Variants in RGS17 observed in about 807,000 individuals in gnomAD.
The protein encoded by RGS17 is regulator of G protein signaling 17.
RGS17 carries 12 observed loss-of-function variants against 25.5 expected under a neutral mutation model. The ratio of observed to expected loss-of-function variants is 0.47; its 90% CI spans 0.30 to 0.76. The LOEUF (loss-of-function observed/expected upper bound fraction) is 0.76, where lower values mean the gene tolerates loss of function less well. Among genes scored for constraint, RGS17 ranks in the 30% least tolerant of loss-of-function variants. The pLI is 0.07. For synonymous variants in RGS17, 71 were observed against 76.9 expected (o/e 0.92, Z 0.40); for missense variants, 196 against 242.2 (o/e 0.81, Z 1.27).
chr6:153,029,181 G>T (rs901243574), intron 2 of RGS17, among the ~76,000 whole-genome samples: 4 of 152,198 alleles, frequency 2.6e-5, no homozygotes, highest in Admixed American at 2.6e-4. Flanking sequence ...TATTCACTGT[G>T]CAGCTCTTGA....
intron 1 of RGS17, among the ~76,000 whole-genome samples, chr6:153,090,585 C>T (rs533333274): frequency 2.1e-4 from 32 of 152,016 alleles, no homozygotes; most frequent in Admixed American, 1.2e-3. Context: ...TATGATTGAG[C>T]CACTACACTC....
chr6:153,026,378 G>A, intron 3 of RGS17, 76 bp downstream of exon 3: 2 of 986,668 alleles, frequency 2.0e-6, no homozygotes, highest in Non-Finnish European at 3.2e-6. Context: ...GAAGCAAGGG[G>A]TAATACTGAG....
rs1007005817 is a variant in RGS17, at chr6:153,060,943, C to A, written c.-25-16900G>T. Among the ~76,000 whole-genome samples, 30 of 152,132 alleles carry A rather than the reference C, an allele frequency of 2.0e-4. 1 individual carries two copies. Among genetic ancestry groups the A allele is most frequent in the Admixed American group, 2.0e-3 (30 of 15,272 alleles). ...AAGCATCATGAATAACCTTGAGAACCAGTGAGTTCAGTAAATGTATGTTAA... is the reference window on the plus strand; with the variant it reads ...AAGCATCATGAATAACCTTGAGAACAAGTGAGTTCAGTAAATGTATGTTAA... On this transcript the variant is annotated intron_variant, in intron 1 of 4. Transcript: ENST00000206262.
chr6:153,043,827 G>T, intron 2 of RGS17, 73 bp downstream of exon 2: 1 of 850,062 alleles, frequency 1.2e-6, no homozygotes, highest in South Asian at 1.6e-5. Flanking sequence ...CTACAGTTCT[G>T]AGATTTGGCA....
intron 2 of RGS17, among the ~76,000 whole-genome samples, chr6:153,037,676 G>A (rs995792595): frequency 2.6e-5 from 4 of 151,140 alleles, no homozygotes; most frequent in Non-Finnish European, 4.4e-5. Flanking sequence ...CACCCACCTC[G>A]GCCTCCCAAA....
rs17083443 is a variant in RGS17 at position 153,034,794 on chromosome 6, A to G, written c.120-8251T>C. Among the ~76,000 whole-genome samples, 851 of 152,296 alleles carry G rather than the reference A, an allele frequency of 5.6e-3. 5 individuals are homozygous for G. The highest frequency in any genetic ancestry group is 8.5e-3 in the Non-Finnish European group (576 of 68,034). On this transcript the variant is annotated intron_variant, in intron 2 of 4. Coordinates refer to ENST00000206262, the MANE Select transcript of RGS17 (RefSeq NM_012419.5). ...GACTACCTCTAGAACGAAACACATG[A>G]AGTTACTGTTCCACTATTACGATGG...
rs1779114155 is a variant in RGS17, at chr6:153,009,995, CTTG to C, written c.*1576_*1578del. On this transcript the variant is annotated 3_prime_UTR_variant, in exon 5 of 5. Coordinates refer to ENST00000206262, the MANE Select transcript of RGS17 (RefSeq NM_012419.5). ...ATAAATTTAAAAAGAAACCCCCAAA[CTTG>C]TTTTTTTAAAAAATATGTTTAATAA... 6.6e-6 allele frequency: 1 copy of C among 151,596 alleles called. No homozygotes were observed. The allele number at this position is 151,596 out of a possible 1,614,324, so 9.4% of individuals were successfully genotyped here.
At chr6:153,093,333 A>G (rs1226659137) in intron 1 of RGS17, among the ~76,000 whole-genome samples, 8 of 152,148 alleles carry the variant, frequency 5.3e-5, no homozygotes, top group Admixed American at 2.0e-4. Context: ...TTTTCTCTGT[A>G]TCTCTGAAAC....
intron 1 of RGS17, among the ~76,000 whole-genome samples, chr6:153,055,903 C>T (rs929661565): frequency 6.6e-6 from 1 of 152,054 alleles, no homozygotes; most frequent in African/African-American, 2.4e-5. Flanking sequence ...TGATCAAAAC[C>T]ATCTCACAGG....
chr6:153,019,004 T>C (rs1465449608), intron 4 of RGS17, among the ~76,000 whole-genome samples: 1 of 152,226 alleles, frequency 6.6e-6, no homozygotes, highest in African/African-American at 2.4e-5. Context: ...GGTGTTCAAA[T>C]AGGTCTATTA....
intron 2 of RGS17, among the ~76,000 whole-genome samples, chr6:153,027,028 A>G (rs1309367731): frequency 2.0e-5 from 3 of 152,178 alleles, no homozygotes; most frequent in Non-Finnish European, 4.4e-5. Context: ...CTAAATTTAC[A>G]TTGTTACCGA....
At chr6:153,047,696 C>T (rs1776403275) in intron 1 of RGS17, among the ~76,000 whole-genome samples, 1 of 152,178 alleles carries the variant, frequency 6.6e-6, no homozygotes. Context: ...TCTTCTACAA[C>T]CAGGAAGCAG....
At chr6:153,071,614 C>T (rs1189463936) in intron 1 of RGS17, among the ~76,000 whole-genome samples, 1 of 152,104 alleles carries the variant, frequency 6.6e-6, no homozygotes, top group Non-Finnish European at 1.5e-5. Flanking sequence ...CATAAAACTG[C>T]TGTGTCAAAT....
chr6:153,075,744 G>C (rs1402538102), intron 1 of RGS17, among the ~76,000 whole-genome samples: 1 of 152,118 alleles, frequency 6.6e-6, no homozygotes, highest in African/African-American at 2.4e-5. Context: ...CTGATATCGA[G>C]TAATTTTCAG....
intron 1 of RGS17, among the ~76,000 whole-genome samples, chr6:153,111,595 G>C (rs572052741): frequency 5.7e-4 from 87 of 152,360 alleles, no homozygotes; most frequent in African/African-American, 2.0e-3. Flanking sequence ...GCTCTGCTAA[G>C]GGACCGACTG....
At chr6:153,110,925 A>G (rs1280117593) in intron 1 of RGS17, among the ~76,000 whole-genome samples, 2 of 152,112 alleles carry the variant, frequency 1.3e-5, no homozygotes, top group African/African-American at 4.8e-5. Context: ...CACTTTTCCC[A>G]CGGTCTTCAC....
intron 1 of RGS17, among the ~76,000 whole-genome samples, chr6:153,087,399 GA>G (rs1180992297): frequency 2.0e-5 from 3 of 152,096 alleles, no homozygotes; most frequent in African/African-American, 4.8e-5. Flanking sequence ...ACTATCTATC[GA>G]AAGCTATCTA....
intron 1 of RGS17, among the ~76,000 whole-genome samples, chr6:153,051,208 C>T (rs534214891): frequency 2.0e-5 from 3 of 152,250 alleles, no homozygotes; most frequent in East Asian, 1.9e-4. Flanking sequence ...TGGAGTGCTG[C>T]TATAACAAAT....
chr6:153,046,196 A>G (rs1776381953), intron 1 of RGS17, among the ~76,000 whole-genome samples: 1 of 149,102 alleles, frequency 6.7e-6, no homozygotes, highest in African/African-American at 2.5e-5. Flanking sequence ...TGGGAAGGGT[A>G]GGAGTAAGGG....
Sources: allele counts gnomAD v4.1 joint callset (sites outside exome capture counted in the v4.1 genomes callset), GRCh38; gene constraint gnomAD v4.1.1; transcripts MANE v1.5; gene names NCBI Gene and HGNC (gene_info 2026-07-23, HGNC 2026-07-21).